ZFHX3: variants seen among roughly 807,000 people sequenced by gnomAD.
ZFHX3 encodes zinc finger homeobox 3.
A neutral mutation model predicts 279.1 loss-of-function variants in ZFHX3; 42 were observed. The observed-to-expected ratio is 0.15, with a 90% CI of 0.12 to 0.19. The LOEUF (loss-of-function observed/expected upper bound fraction) is 0.19, where lower values mean the gene tolerates loss of function less well. Among genes scored for constraint, ZFHX3 ranks in the 10% least tolerant of loss-of-function variants. The pLI is 1.00. For missense variants in ZFHX3, 4,981 were observed against 4,754.0 expected (o/e 1.05, Z -1.40); for synonymous variants, 2,293 against 1,957.8 (o/e 1.17, Z -4.52).
intron 8 of ZFHX3, among the ~76,000 whole-genome samples, chr16:73,084,206 C>A (rs1264623138): frequency 1.3e-5 from 2 of 152,264 alleles, no homozygotes; most frequent in East Asian, 3.9e-4. Flanking sequence ...CACACTTTCA[C>A]CATTTTTATT....
chr16:73,416,432 G>T (rs2017582253), intron 3 of ZFHX3, among the ~76,000 whole-genome samples: 1 of 152,074 alleles, frequency 6.6e-6, no homozygotes, highest in Non-Finnish European at 1.5e-5. Context: ...GGAATGGGAG[G>T]ACTAGAAAAC....
In ZFHX3 at chr16:73,682,874, GAA is replaced by G. The variant is rs758933028; in HGVS notation, c.-1607-2636_-1607-2635del. ...AAAGAGAAAGAAAGAAAGAAAGAAA[GAA>G]AGAAAGAAAGAAAGAAAGAAAGAAA... On this transcript the variant is annotated intron_variant, in intron 1 of 17. Coordinates refer to the ZFHX3 transcript ENST00000641206. 2.4e-3 allele frequency among the ~76,000 whole-genome samples: 73 copies of G among 30,408 alleles called. 2 individuals are homozygous for G. Among genetic ancestry groups the G allele is most frequent in the East Asian group, 6.6e-3 (1 of 152 alleles). The allele number at this position is 30,408 out of a possible 152,430, so 19.9% of individuals were successfully genotyped here. A position where few individuals can be genotyped will look rare whatever the true frequency, so the allele number is the denominator to read the frequency against.
chr16:72,923,450 G>GAAAAA (rs34096322), intron 3 of ZFHX3, among the ~76,000 whole-genome samples: 5 of 86,120 alleles, frequency 5.8e-5, no homozygotes, highest in Admixed American at 1.3e-4. Context: ...TCTCAGACCA[G>GAAAAA]AAAAAAAAAA....
At chr16:73,854,017 C>G (rs1961656016) in intron 1 of ZFHX3, among the ~76,000 whole-genome samples, 1 of 152,108 alleles carries the variant, frequency 6.6e-6, no homozygotes, top group South Asian at 2.1e-4. Context: ...TCTTGCAGGG[C>G]CTTTCAGCTA....
In ZFHX3 at chr16:72,899,484, T is replaced by C. The variant is rs572046498; in HGVS notation, c.3217-9522A>G. Among the ~76,000 whole-genome samples, 298 of 152,344 alleles carry C rather than the reference T, an allele frequency of 2.0e-3. 1 individual carries two copies. The highest frequency in any genetic ancestry group is 3.6e-3 in the Non-Finnish European group (246 of 68,034). On this transcript the variant is annotated intron_variant, in intron 3 of 9. Transcript: ENST00000268489. ...TGAATGGTGAGTCAATTAAACCTCTTTCCTTTAAAAATCACCCAGTCTCGG... is the reference window on the plus strand; with the variant it reads ...TGAATGGTGAGTCAATTAAACCTCTCTCCTTTAAAAATCACCCAGTCTCGG...
chr16:73,572,019 T>C (rs2051743078), intron 2 of ZFHX3, among the ~76,000 whole-genome samples: 2 of 152,242 alleles, frequency 1.3e-5, no homozygotes, highest in Middle Eastern at 6.8e-3. Flanking sequence ...CAAAATGCTT[T>C]CTGATTCATC....
intron 3 of ZFHX3, among the ~76,000 whole-genome samples, chr16:72,948,511 T>C (rs1474015221): frequency 2.0e-5 from 3 of 152,130 alleles, no homozygotes; most frequent in South Asian, 2.1e-4. Flanking sequence ...TGGACACAGT[T>C]TGGGGACCAA....
intron 1 of ZFHX3, among the ~76,000 whole-genome samples, chr16:73,739,690 G>T (rs146378147): frequency 2.4e-4 from 37 of 152,292 alleles, no homozygotes; most frequent in African/African-American, 8.2e-4. Context: ...GTGGGAGAAA[G>T]GGTGACACAG....
In ZFHX3 at chr16:73,540,247, G is replaced by C. The variant is rs539634748; in HGVS notation, c.-1546-83989C>G. Among the ~76,000 whole-genome samples the C allele has an allele frequency of 1.6e-3, 247 of 152,318 alleles. 1 individual carries two copies. Among genetic ancestry groups the C allele is most frequent in the African/African-American group, 5.7e-3 (235 of 41,576 alleles). ...GAATAACTGCTTCCACAACCATATG[G>C]GCTAGGCGAAGTCCTAGATGAGTAG... On this transcript the variant is annotated intron_variant, in intron 2 of 17. Coordinates refer to the ZFHX3 transcript ENST00000641206.
At chr16:72,928,018 T>TGCACAGTGCCCCCTGGGGCTG (rs1404014125) in intron 3 of ZFHX3, among the ~76,000 whole-genome samples, 27 of 146,968 alleles carry the variant, frequency 1.8e-4, no homozygotes, top group Non-Finnish European at 1.8e-4. Context: ...GCCTCCAGGC[T>TGCACAGTGCCCCCTGGGGCTG]GCACAGTGCC....
chr16:73,891,738 T>TTCTCTCTCTCTCTCTCTCTCTCTC (rs3082344), exon 1 of ZFHX3: 27 of 141,956 alleles, frequency 1.9e-4, no homozygotes, highest in South Asian at 7.2e-4. Flanking sequence ...GGGTTTTTAG[T>TTCTCTCTCTCTCTCTCTCTCTCTC]TCTCTCTCTC....
intron 1 of ZFHX3, among the ~76,000 whole-genome samples, chr16:73,787,850 T>A (rs1348498144): frequency 0.013 from 1,972 of 147,020 alleles, 29 homozygotes; most frequent in African/African-American, 0.048. Context: ...TGTGTGTGTG[T>A]GTGAAAGAGA....
intron 4 of ZFHX3, among the ~76,000 whole-genome samples, chr16:72,863,942 C>T (rs1311879845): frequency 6.6e-6 from 1 of 152,042 alleles, no homozygotes; most frequent in Non-Finnish European, 1.5e-5. Flanking sequence ...TGGTGAAACC[C>T]CGTCTCTACT....
intron 4 of ZFHX3, among the ~76,000 whole-genome samples, chr16:72,873,632 G>T (rs1443988952): frequency 6.6e-6 from 1 of 152,052 alleles, no homozygotes; most frequent in Non-Finnish European, 1.5e-5. Context: ...TACACTTCAA[G>T]TTCGCCAATT....
intron 2 of ZFHX3, among the ~76,000 whole-genome samples, chr16:73,537,929 C>T (rs753941448): frequency 6.6e-6 from 1 of 152,170 alleles, no homozygotes; most frequent in Non-Finnish European, 1.5e-5. Context: ...TTGAAAAGGC[C>T]ATTACTAAAA....
intron 5 of ZFHX3, among the ~76,000 whole-genome samples, chr16:73,195,219 T>C (rs1968118208): frequency 6.6e-6 from 1 of 152,030 alleles, no homozygotes; most frequent in East Asian, 1.9e-4. Flanking sequence ...AAACCATGAA[T>C]ATGGTTTGGA....
intron 1 of ZFHX3, among the ~76,000 whole-genome samples, chr16:73,040,038 T>G (rs1965054248): frequency 1.3e-5 from 2 of 152,192 alleles, no homozygotes; most frequent in Non-Finnish European, 2.9e-5. Context: ...TCTGGGCAGC[T>G]CTGTTTTTCA....
intron 1 of ZFHX3, among the ~76,000 whole-genome samples, chr16:73,886,854 G>C (rs975614098): frequency 6.6e-6 from 1 of 152,184 alleles, no homozygotes; most frequent in Non-Finnish European, 1.5e-5. Context: ...AACTGGGTTA[G>C]GTGAATTGGG....
chr16:72,985,252 C>G (rs1470656377), intron 1 of ZFHX3, among the ~76,000 whole-genome samples: 1 of 152,008 alleles, frequency 6.6e-6, no homozygotes, highest in Non-Finnish European at 1.5e-5. Context: ...TCCAGTGAGG[C>G]TGATATCATC....
Sources: allele counts gnomAD v4.1 joint callset (sites outside exome capture counted in the v4.1 genomes callset), GRCh38; gene constraint gnomAD v4.1.1; transcripts MANE v1.5; gene names NCBI Gene and HGNC (gene_info 2026-07-23, HGNC 2026-07-21).